TESC: variants seen among roughly 807,000 people sequenced by gnomAD.
TESC encodes calcineurin B homologous protein 3.
In TESC, 19 loss-of-function variants were observed where a neutral mutation model predicts 31.0. That is an observed-to-expected ratio of 0.61 (90% CI 0.43 to 0.90). TESC has a LOEUF of 0.90. TESC is among the 40% of genes least tolerant of loss of function. TESC has a pLI of 0.00. For synonymous variants in TESC, 109 were observed against 114.8 expected (o/e 0.95, Z 0.32); for missense variants, 248 against 303.8 (o/e 0.82, Z 1.36).
intron 1 of TESC, among the ~76,000 whole-genome samples, chr12:117,090,854 A>G (rs552233241): frequency 6.6e-6 from 1 of 152,298 alleles, no homozygotes; most frequent in Admixed American, 6.5e-5. Context: ...GGAGGAGCTT[A>G]GGGAACCCTC....
intron 3 of TESC, chr12:117,053,829 C>G (rs1954683720): frequency 6.6e-6 from 1 of 152,510 alleles, no homozygotes; most frequent in South Asian, 2.1e-4. Context: ...ATCTTCCTGT[C>G]AGTGCCTCCA....
At chr12:117,061,138 T>C (rs1309946545) in intron 2 of TESC, among the ~76,000 whole-genome samples, 1 of 152,142 alleles carries the variant, frequency 6.6e-6, no homozygotes, top group African/African-American at 2.4e-5. Context: ...GGAGATAAAG[T>C]CTGCAACATG....
intron 1 of TESC, among the ~76,000 whole-genome samples, chr12:117,096,870 G>A (rs988216098): frequency 1.3e-5 from 2 of 151,990 alleles, no homozygotes; most frequent in Admixed American, 6.5e-5. Context: ...ACGTCCCCTC[G>A]GCCCGAGATG....
intron 2 of TESC, among the ~76,000 whole-genome samples, chr12:117,072,040 C>T (rs73405281): frequency 0.03 from 4,598 of 152,220 alleles, 224 homozygotes; most frequent in African/African-American, 0.1. Flanking sequence ...CATTTTAGTA[C>T]GTCCCATTGT....
chr12:117,054,422 A>G (rs1396984030), intron 3 of TESC, among the ~76,000 whole-genome samples: 1 of 151,134 alleles, frequency 6.6e-6, no homozygotes, highest in Admixed American at 6.6e-5. Flanking sequence ...CCCTCCCCAC[A>G]CCACACTGGC....
At chr12:117,045,897 G>T (rs1022637369) in intron 6 of TESC, among the ~76,000 whole-genome samples, 4 of 152,214 alleles carry the variant, frequency 2.6e-5, no homozygotes, top group Non-Finnish European at 5.9e-5. Context: ...CTGGGGGCTG[G>T]TGGGGCTGCA....
chr12:117,072,732 G>A (rs933584912), intron 2 of TESC, among the ~76,000 whole-genome samples: 3 of 152,184 alleles, frequency 2.0e-5, no homozygotes, highest in Non-Finnish European at 4.4e-5. Flanking sequence ...GCTCCATAGC[G>A]GCTGCAGCTA....
chr12:117,046,216 C>G (rs572907416), intron 6 of TESC, among the ~76,000 whole-genome samples: 2 of 152,334 alleles, frequency 1.3e-5, no homozygotes, highest in East Asian at 1.9e-4. Flanking sequence ...TTAAGGCCAG[C>G]CTGTGCCATG....
intron 1 of TESC, among the ~76,000 whole-genome samples, chr12:117,075,923 G>GTATATATATATATATGTGTGTGTGTATA (rs1955063936): frequency 4.4e-5 from 3 of 68,702 alleles, no homozygotes; most frequent in African/African-American, 2.2e-4. Context: ...ATGTGTGTGT[G>GTATATATATATATATGTGTGTGTGTATA]TATATATATA....
At chr12:117,090,966 C>A (rs1955298571) in intron 1 of TESC, among the ~76,000 whole-genome samples, 1 of 152,182 alleles carries the variant, frequency 6.6e-6, no homozygotes, top group Non-Finnish European at 1.5e-5. Context: ...CACCTGCCCT[C>A]CTCCTGGAGG....
intron 6 of TESC, among the ~76,000 whole-genome samples, chr12:117,045,999 A>G (rs1191145384): frequency 6.6e-6 from 1 of 152,206 alleles, no homozygotes; most frequent in Non-Finnish European, 1.5e-5. Flanking sequence ...TTTTCCCACC[A>G]GTCAAAATGA....
At chr12:117,067,681 G>A (rs1954906689) in intron 2 of TESC, among the ~76,000 whole-genome samples, 1 of 152,250 alleles carries the variant, frequency 6.6e-6, no homozygotes, top group African/African-American at 2.4e-5. Flanking sequence ...GCAGTGGTTT[G>A]AGGCTACATC....
At chr12:117,075,875 GTATATATA>G (rs528031954) in intron 1 of TESC, among the ~76,000 whole-genome samples, 10,548 of 62,300 alleles carry the variant, frequency 0.17, 1,095 homozygotes, top group East Asian at 0.38. Flanking sequence ...ATATATGTGT[GTATATATA>G]TATATATATA....
At chr12:117,091,145 C>A (rs961780341) in intron 1 of TESC, among the ~76,000 whole-genome samples, 7 of 152,198 alleles carry the variant, frequency 4.6e-5, no homozygotes, top group Non-Finnish European at 7.3e-5. Context: ...ACCCACTCGA[C>A]CTTCTGGTTT....
At chr12:117,039,929 G>T (rs557220803) in intron 7 of TESC, among the ~76,000 whole-genome samples, 3 of 152,266 alleles carry the variant, frequency 2.0e-5, no homozygotes, top group Non-Finnish European at 4.4e-5. Context: ...ATGCCCGCCA[G>T]CGCCTTAGCA....
intron 1 of TESC, among the ~76,000 whole-genome samples, chr12:117,095,468 G>A (rs1219327783): frequency 1.3e-5 from 2 of 152,226 alleles, no homozygotes; most frequent in East Asian, 3.8e-4. Flanking sequence ...CAGAGGAACA[G>A]CTTTTGTGCA....
intron 3 of TESC, among the ~76,000 whole-genome samples, chr12:117,050,477 T>C (rs1326489936): frequency 1.3e-5 from 2 of 152,194 alleles, no homozygotes; most frequent in Non-Finnish European, 2.9e-5. Context: ...TAGGGCAGGT[T>C]TGAGACTGGC....
chr12:117,039,779 A>T (rs3782190), intron 7 of TESC, among the ~76,000 whole-genome samples: 6,605 of 152,300 alleles, frequency 0.043, 359 homozygotes, highest in East Asian at 0.19. Context: ...CTCAAGCCCA[A>T]AAAGGTCATT....
chr12:117,047,068 TAAC>T (rs1171318845), intron 4 of TESC, among the ~76,000 whole-genome samples: 2 of 152,218 alleles, frequency 1.3e-5, no homozygotes, highest in East Asian at 1.9e-4. Flanking sequence ...GAAATGGGAA[TAAC>T]AACAGTGTCT....
Sources: allele counts gnomAD v4.1 joint callset (sites outside exome capture counted in the v4.1 genomes callset), GRCh38; gene constraint gnomAD v4.1.1; transcripts MANE v1.5; gene names NCBI Gene and HGNC (gene_info 2026-07-23, HGNC 2026-07-21).